CDC123: variants seen among roughly 807,000 people sequenced by gnomAD.
CDC123 encodes translation initiation factor eIF2 assembly protein.
In CDC123, 37 loss-of-function variants were observed where a neutral mutation model predicts 54.4. The ratio of observed to expected loss-of-function variants is 0.68; its 90% CI spans 0.52 to 0.89. The LOEUF (loss-of-function observed/expected upper bound fraction) is 0.89. CDC123 is among the 40% of genes least tolerant of loss of function. The pLI is 0.00. For missense variants in CDC123, 361 were observed against 412.1 expected, an observed-to-expected ratio of 0.88 and a Z score of 1.07; for synonymous variants, 144 against 136.8, an observed-to-expected ratio of 1.05 and a Z score of -0.37.
chr10:12,225,423 G>T (rs1157829764), intron 6 of CDC123, among the ~76,000 whole-genome samples: 3 of 152,028 alleles, frequency 2.0e-5, no homozygotes, highest in Non-Finnish European at 4.4e-5. Flanking sequence ...TAAAAGAAAA[G>T]AAAATATGTG....
At chr10:12,210,444 C>G in intron 4 of CDC123, 122 bp downstream of exon 4, 1 of 1,183,816 alleles carries the variant, frequency 8.4e-7, no homozygotes, top group Admixed American at 2.6e-5. Context: ...ATATTATTTT[C>G]CCTGTGGGCT....
intron 8 of CDC123, among the ~76,000 whole-genome samples, chr10:12,235,362 C>T (rs1364225100): frequency 1.3e-5 from 2 of 152,046 alleles, no homozygotes; most frequent in Non-Finnish European, 2.9e-5. Flanking sequence ...TGTCTGGATT[C>T]CAGAGATAAA....
Position 12,207,253 on chromosome 10 carries a change from A to G in CDC123, c.147-2714A>G, listed in dbSNP as rs185990746. Among the ~76,000 whole-genome samples the G allele has an allele frequency of 6.1e-3, 926 of 151,742 alleles. 5 individuals are homozygous for G. The highest frequency in any genetic ancestry group is 0.024 in the Middle Eastern group (7 of 294). On this transcript the variant is annotated intron_variant, in intron 2 of 12. Coordinates refer to ENST00000281141, the MANE Select transcript of CDC123 (RefSeq NM_006023.3). ...TCTTTTTTGTTCTACTTTGTAGGTA[A>G]TTATTTTTCCATTCTATTGAATTTT...
rs750850565 is a variant in CDC123, at chr10:12,217,438, C to T, written c.411C>T (p.Ser137=). ...LSDIFLLFKS[S]DFITRDFTQP... ...ACATCTTTCTGCTTTTCAAGAGTTC[C>T]GATTTCATCACTCGTGACTTCACTC... Residue 137 remains serine (S), a synonymous_variant, in exon 6 of 13, where the codon TCC becomes TCT. Coordinates refer to ENST00000281141, the MANE Select transcript of CDC123 (RefSeq NM_006023.3). 1.6e-4 allele frequency: 254 copies of T among 1,613,782 alleles called. 1 individual carries two copies. Among genetic ancestry groups the T allele is most frequent in the Non-Finnish European group, 3.5e-5 (41 of 1,179,918 alleles).
At chr10:12,235,271 C>A in intron 8 of CDC123, 148 bp downstream of exon 8, 1 of 657,856 alleles carries the variant, frequency 1.5e-6, no homozygotes, top group African/African-American at 1.8e-5. Flanking sequence ...TTGATACTGA[C>A]TCTCTGGAAT....
intron 2 of CDC123, among the ~76,000 whole-genome samples, chr10:12,200,143 T>TTTTTTTTTTG (rs1350723293): frequency 7.3e-6 from 1 of 136,786 alleles, no homozygotes; most frequent in African/African-American, 2.9e-5. Flanking sequence ...TTTTTTTTTT[T>TTTTTTTTTTG]AAAGATGGAG....
At chr10:12,206,378 T>C (rs1227163644) in intron 2 of CDC123, among the ~76,000 whole-genome samples, 1 of 152,222 alleles carries the variant, frequency 6.6e-6, no homozygotes, top group East Asian at 1.9e-4. Flanking sequence ...AAGAGAGACG[T>C]AAGAGAGAAA....
At chr10:12,215,886 T>G (rs770216283) in intron 5 of CDC123, 51 bp downstream of exon 5, 4 of 1,250,106 alleles carry the variant, frequency 3.2e-6, no homozygotes, top group Non-Finnish European at 4.6e-6. Context: ...TTTGTTTTGC[T>G]GTTTATTTCA....
intron 2 of CDC123, among the ~76,000 whole-genome samples, chr10:12,201,661 G>T (rs1190650781): frequency 6.6e-6 from 1 of 152,170 alleles, no homozygotes; most frequent in African/African-American, 2.4e-5. Context: ...TTAAGATTAG[G>T]GGTGTGTGTG....
At chr10:12,237,016 T>C (rs1272266829) in intron 8 of CDC123, 128 bp from the exon 9 acceptor site, 2 of 1,125,078 alleles carry the variant, frequency 1.8e-6, no homozygotes, top group East Asian at 5.7e-5. Flanking sequence ...TCGTGTGTAA[T>C]GCCGTACCCA....
intron 11 of CDC123, among the ~76,000 whole-genome samples, chr10:12,249,327 A>G (rs892534942): frequency 3.9e-5 from 6 of 152,120 alleles, no homozygotes; most frequent in African/African-American, 1.4e-4. Context: ...AGTCCCAGCT[A>G]CTTGGGAGGC....
In CDC123 at chr10:12,218,302, A is replaced by T. The variant is rs1410438627; in HGVS notation, c.440+835A>T. Reference sequence around the variant, plus strand: ...CACTCTGTCTCCCAGGCTGGAGTGCAGTGGCACGATCTCAGCTCAGTGCAA... The same window carrying T: ...CACTCTGTCTCCCAGGCTGGAGTGCTGTGGCACGATCTCAGCTCAGTGCAA... On this transcript the variant is annotated intron_variant, in intron 6 of 12. Transcript: ENST00000281141. Among the ~76,000 whole-genome samples the T allele has an allele frequency of 4.5e-5, 6 of 133,480 alleles. No individual in the cohort carries two copies. In the Admixed American group the frequency reaches 5.1e-4, roughly 11 times the overall value. 87.6% of individuals were successfully genotyped at this position (133,480 alleles called of 152,430 possible).
chr10:12,219,176 G>C (rs1038124207), intron 6 of CDC123, among the ~76,000 whole-genome samples: 1 of 152,206 alleles, frequency 6.6e-6, no homozygotes, highest in Non-Finnish European at 1.5e-5. Flanking sequence ...CAACTCTGGC[G>C]TGTGAGCTCT....
chr10:12,204,864 G>GC (rs1835495670), intron 2 of CDC123, among the ~76,000 whole-genome samples: 1 of 151,856 alleles, frequency 6.6e-6, no homozygotes, highest in Non-Finnish European at 1.5e-5. Context: ...ATGGTGGCAG[G>GC]CGCCTGTAAT....
chr10:12,249,506 G>A, intron 11 of CDC123, 75 bp from the exon 12 acceptor site: 1 of 1,430,274 alleles, frequency 7.0e-7, no homozygotes, highest in Non-Finnish European at 9.6e-7. Context: ...TGTTTTGCTA[G>A]GTTCTTTTTT....
chr10:12,212,398 A>T (rs1050242210), intron 4 of CDC123, among the ~76,000 whole-genome samples: 1 of 152,262 alleles, frequency 6.6e-6, no homozygotes, highest in Non-Finnish European at 1.5e-5. Flanking sequence ...TGACAAAAAG[A>T]TGCCAGAAGC....
intron 6 of CDC123, among the ~76,000 whole-genome samples, chr10:12,226,936 A>G (rs896019232): frequency 1.3e-5 from 2 of 151,812 alleles, no homozygotes; most frequent in Non-Finnish European, 2.9e-5. Flanking sequence ...GCGAGCCGAG[A>G]TCACACCACT....
intron 2 of CDC123, among the ~76,000 whole-genome samples, chr10:12,200,082 A>G (rs180755774): frequency 9.7e-5 from 14 of 144,024 alleles, no homozygotes; most frequent in Non-Finnish European, 1.9e-4. Flanking sequence ...CGGCCTCCCA[A>G]AGTGCTGGGA....
rs1398517787 is a variant in CDC123, at chr10:12,210,217, T to C, written c.205-73T>C. ...TCCTGTTTGATTTATAATTTTTAGA[T>C]GGAGCACTGCTTTTTGAAGCCCAGT... is the stretch of plus-strand genomic sequence containing the variant. On this transcript the variant is annotated intron_variant, in intron 3 of 12. Transcript: ENST00000281141. The C allele has an allele frequency of 4.5e-6, 7 of 1,562,084 alleles. No individual in the cohort carries two copies. In the African/African-American group the frequency reaches 9.6e-5, roughly 21 times the overall value.
Sources: gnomAD v4.1 joint callset for allele counts (sites outside exome capture counted in the v4.1 genomes callset) on GRCh38, gnomAD v4.1.1 for gene constraint, MANE v1.5 for transcripts, NCBI Gene and HGNC (gene_info 2026-07-23, HGNC 2026-07-21) for gene names.